The following EFNA5 variants were observed in gnomAD, a reference collection of about 807,000 sequenced individuals.
EFNA5 encodes the protein ephrin-A5.
Under a neutral mutation model 22.9 loss-of-function variants are expected in EFNA5, and 5 were observed. The observed-to-expected ratio is 0.22, with a 90% CI of 0.11 to 0.46. The LOEUF (loss-of-function observed/expected upper bound fraction) is 0.46. EFNA5 is among the 20% of genes least tolerant of loss of function. The probability of loss-of-function intolerance (pLI) is 0.99; values close to 1 mark genes in which losing one functional copy is unlikely to be tolerated. For synonymous variants in EFNA5, 113 were observed against 112.2 expected, an observed-to-expected ratio of 1.01 and a Z score of -0.04; for missense variants, 237 against 293.3, an observed-to-expected ratio of 0.81 and a Z score of 1.40.
chr5:107,382,879 C>T (rs1443026036), intron 4 of EFNA5, among the ~76,000 whole-genome samples: 1 of 152,154 alleles, frequency 6.6e-6, no homozygotes, highest in Non-Finnish European at 1.5e-5. Context: ...TCCCTAAATA[C>T]CCCTGGATGA....
At chr5:107,401,489 CAACTT>C (rs1748083019) in intron 2 of EFNA5, among the ~76,000 whole-genome samples, 1 of 152,152 alleles carries the variant, frequency 6.6e-6, no homozygotes, top group Non-Finnish European at 1.5e-5. Flanking sequence ...TGAATAGAAA[CAACTT>C]AAAAGTTTGA....
At chr5:107,442,881 G>A (rs1580454451) in intron 1 of EFNA5, among the ~76,000 whole-genome samples, 1 of 99,362 alleles carries the variant, frequency 1.0e-5, no homozygotes, top group African/African-American at 3.9e-5. Flanking sequence ...TTCCCCCCAA[G>A]ACAGAATTTC....
At chr5:107,512,118 G>A (rs1366283698) in intron 1 of EFNA5, among the ~76,000 whole-genome samples, 1 of 152,196 alleles carries the variant, frequency 6.6e-6, no homozygotes, top group Non-Finnish European at 1.5e-5. Flanking sequence ...ACTTCAAATG[G>A]TGGGCAGATG....
intron 1 of EFNA5, among the ~76,000 whole-genome samples, chr5:107,517,659 GTCTGAATCATGT>G (rs1273177210): frequency 2.6e-5 from 4 of 152,170 alleles, no homozygotes; most frequent in African/African-American, 9.7e-5. Flanking sequence ...GCTGCATTAT[GTCTGAATCATGT>G]TCTGTGACAA....
At chr5:107,669,352 T>G (rs1032001023) in intron 1 of EFNA5, among the ~76,000 whole-genome samples, 3 of 152,042 alleles carry the variant, frequency 2.0e-5, no homozygotes, top group African/African-American at 7.2e-5. Context: ...CAATCGGTAC[T>G]ATTAATAAAT....
chr5:107,522,014 A>C (rs1050453530), intron 1 of EFNA5, among the ~76,000 whole-genome samples: 15 of 152,106 alleles, frequency 9.9e-5, no homozygotes, highest in African/African-American at 3.1e-4. Flanking sequence ...TTTTTCTGTT[A>C]CAAGAGTGGA....
intron 1 of EFNA5, among the ~76,000 whole-genome samples, chr5:107,523,221 G>A (rs1007716440): frequency 1.3e-5 from 2 of 151,984 alleles, no homozygotes; most frequent in Non-Finnish European, 2.9e-5. Context: ...TGGAAGGGCA[G>A]CTATCTTAGT....
At chr5:107,669,927 G>T (rs1226734210) in intron 1 of EFNA5, among the ~76,000 whole-genome samples, 2 of 151,188 alleles carry the variant, frequency 1.3e-5, no homozygotes, top group Non-Finnish European at 2.9e-5. Flanking sequence ...CAGTTGAAGA[G>T]GAAAATAAAA....
chr5:107,584,026 C>G (rs1185602755), intron 1 of EFNA5, among the ~76,000 whole-genome samples: 2 of 152,100 alleles, frequency 1.3e-5, no homozygotes, highest in Admixed American at 1.3e-4. Context: ...CACACAGGCT[C>G]GGCGTCCACA....
rs374263179 is a variant in EFNA5 at position 107,427,560 on chromosome 5, T to G, written c.126-51A>C. On this transcript the variant is annotated intron_variant, in intron 1 of 4. Coordinates refer to ENST00000333274, the MANE Select transcript of EFNA5 (RefSeq NM_001962.3). ...GATAATTCATAGAGAAAGGGCTTTCTGCTTGGAATCAGTGGTTAAGCCATT... is the reference window on the plus strand; with the variant it reads ...GATAATTCATAGAGAAAGGGCTTTCGGCTTGGAATCAGTGGTTAAGCCATT... 86 of 1,504,206 alleles carry G rather than the reference T, an allele frequency of 5.7e-5. No individual in the cohort carries two copies. The African/African-American group carries it at 1.1e-3, about 19-fold the overall frequency. 93.2% of individuals were successfully genotyped at this position (1,504,206 alleles called of 1,614,324 possible).
At chr5:107,568,252 C>G (rs1007659155) in intron 1 of EFNA5, among the ~76,000 whole-genome samples, 1 of 152,040 alleles carries the variant, frequency 6.6e-6, no homozygotes, top group South Asian at 2.1e-4. Context: ...CACATATATA[C>G]CCCGTAGCTA....
chr5:107,611,448 C>T (rs935301401), intron 1 of EFNA5, among the ~76,000 whole-genome samples: 1 of 152,168 alleles, frequency 6.6e-6, no homozygotes, highest in Non-Finnish European at 1.5e-5. Flanking sequence ...AAACGGTTCG[C>T]TCAAGTCTTG....
intron 1 of EFNA5, among the ~76,000 whole-genome samples, chr5:107,632,446 A>G (rs889089065): frequency 6.6e-6 from 1 of 152,116 alleles, no homozygotes; most frequent in Non-Finnish European, 1.5e-5. Context: ...TGGACCTTTC[A>G]TCATTCTCTT....
chr5:107,499,273 T>C (rs2112423708), intron 1 of EFNA5, among the ~76,000 whole-genome samples: 1 of 152,328 alleles, frequency 6.6e-6, no homozygotes, highest in Non-Finnish European at 1.5e-5. Flanking sequence ...ATATGGGCAC[T>C]GCCAGGGATA....
Position 107,381,158 on chromosome 5 carries a change from C to G in EFNA5, c.*97G>C, listed in dbSNP as rs923439058. 3 of 1,465,408 alleles carry G rather than the reference C, an allele frequency of 2.0e-6. No homozygotes were observed. Among genetic ancestry groups the G allele is most frequent in the Admixed American group, 2.1e-5 (1 of 46,692 alleles). 90.8% of individuals were successfully genotyped at this position (1,465,408 alleles called of 1,614,324 possible). On this transcript the variant is annotated 3_prime_UTR_variant, in exon 5 of 5. Coordinates refer to ENST00000333274, the MANE Select transcript of EFNA5 (RefSeq NM_001962.3). ...ACAAAAATCTGACATCTGCCAAAAC[C>G]CAATAACAAGTCCCTTCTTAGGATG...
At chr5:107,458,766 C>T (rs1180783957) in intron 1 of EFNA5, among the ~76,000 whole-genome samples, 5 of 152,122 alleles carry the variant, frequency 3.3e-5, no homozygotes, top group Non-Finnish European at 5.9e-5. Context: ...GTTACAGTAA[C>T]CAAATCACTT....
chr5:107,521,782 T>C (rs2112443804), intron 1 of EFNA5, among the ~76,000 whole-genome samples: 1 of 152,278 alleles, frequency 6.6e-6, no homozygotes, highest in Non-Finnish European at 1.5e-5. Flanking sequence ...GTAAAGTGCA[T>C]AAATTGTAAG....
chr5:107,637,656 C>T (rs1750406293), intron 1 of EFNA5, among the ~76,000 whole-genome samples: 1 of 148,674 alleles, frequency 6.7e-6, no homozygotes, highest in South Asian at 2.1e-4. Context: ...TGTATATATA[C>T]ATAAACTGAT....
At chr5:107,400,245 T>C (rs1748049624) in intron 2 of EFNA5, among the ~76,000 whole-genome samples, 1 of 151,240 alleles carries the variant, frequency 6.6e-6, no homozygotes, top group African/African-American at 2.5e-5. Flanking sequence ...TAAGCTAATC[T>C]GAATAGGCTA....
Sources: allele counts gnomAD v4.1 joint callset (sites outside exome capture counted in the v4.1 genomes callset), GRCh38; gene constraint gnomAD v4.1.1; transcripts MANE v1.5; gene names NCBI Gene and HGNC (gene_info 2026-07-23, HGNC 2026-07-21).